Variants in SBSPON observed in about 807,000 individuals in gnomAD.
SBSPON encodes the protein somatomedin-B and thrombospondin type-1 domain-containing protein.
Under a neutral mutation model 35.8 loss-of-function variants are expected in SBSPON, and 30 were observed. That is an observed-to-expected ratio of 0.84 (90% CI 0.63 to 1.14). The LOEUF (loss-of-function observed/expected upper bound fraction) is 1.14, where lower values mean the gene tolerates loss of function less well. SBSPON is among the 50% of genes most tolerant of loss of function. The probability of loss-of-function intolerance (pLI) is 0.00; values close to 1 mark genes in which losing one functional copy is unlikely to be tolerated. For missense variants in SBSPON, 364 were observed against 357.7 expected, an observed-to-expected ratio of 1.02 and a Z score of -0.14; for synonymous variants, 136 against 135.9, an observed-to-expected ratio of 1.00 and a Z score of 0.00.
At chr8:73,070,103 A>G (rs1194251002) in intron 3 of SBSPON, 122 bp from the exon 4 acceptor site, 3 of 566,584 alleles carry the variant, frequency 5.3e-6, no homozygotes, top group South Asian at 2.5e-5. Flanking sequence ...TAGTGAGTAC[A>G]TCTTCACAAG....
At chr8:73,078,687 C>G (rs1810640358) in intron 2 of SBSPON, among the ~76,000 whole-genome samples, 1 of 152,170 alleles carries the variant, frequency 6.6e-6, no homozygotes. Context: ...TGTCTTCCTC[C>G]CCGAGCAGTT....
intron 2 of SBSPON, among the ~76,000 whole-genome samples, chr8:73,076,282 T>C (rs192259974): frequency 7.6e-4 from 115 of 152,274 alleles, no homozygotes; most frequent in African/African-American, 2.6e-3. Context: ...AGAATGTCCA[T>C]GTCCTGATCC....
At chr8:73,091,784 T>C (rs1382864773) in intron 1 of SBSPON, among the ~76,000 whole-genome samples, 1 of 152,218 alleles carries the variant, frequency 6.6e-6, no homozygotes, top group East Asian at 1.9e-4. Flanking sequence ...TGCTTTCAAC[T>C]GTGTTCTTTC....
Position 73,093,026 on chromosome 8 carries a change from C to T in SBSPON, c.42G>A (p.Leu14=). Residue 14 remains leucine, a synonymous_variant, in exon 1 of 5, where the codon CTG becomes CTA. Coordinates refer to ENST00000297354, the MANE Select transcript of SBSPON (RefSeq NM_153225.4). ...CGCAGCCGGCCTGGGCCCCGGGCCA[C>T]AGCCGCGACAGCGCGCACAGCGCCA... The part of the protein sequence containing the change: ...LWMALCALSR[L]WPGAQAGCAE... 3 of 1,392,218 alleles carry T rather than the reference C, an allele frequency of 2.2e-6. No homozygotes were observed. Among genetic ancestry groups the T allele is most frequent in the Non-Finnish European group, 2.8e-6 (3 of 1,079,558 alleles). 86.2% of individuals were successfully genotyped at this position (1,392,218 alleles called of 1,614,324 possible).
chr8:73,092,108 C>T (rs988254802), intron 1 of SBSPON, among the ~76,000 whole-genome samples: 4 of 152,104 alleles, frequency 2.6e-5, no homozygotes, highest in South Asian at 2.1e-4. Flanking sequence ...TGAGCCCTTA[C>T]GGGGACAAGG....
Position 73,066,457 on chromosome 8 carries a change from C to G in SBSPON, c.*884G>C, listed in dbSNP as rs1486376205. The G allele has an allele frequency of 1.3e-5, 2 of 152,160 alleles. No homozygotes were observed. The highest frequency in any genetic ancestry group is 4.8e-5 in the African/African-American group (2 of 41,418). The allele number at this position is 152,160 out of a possible 1,614,324, so 9.4% of individuals were successfully genotyped here. On this transcript the variant is annotated 3_prime_UTR_variant, in exon 5 of 5. Coordinates refer to ENST00000297354, the MANE Select transcript of SBSPON (RefSeq NM_153225.4). Reference sequence around the variant, plus strand: ...GTCTATGCCTTCCATAACCGACACACCATCCACCCCAAACATTAGAAAATG... The same window carrying G: ...GTCTATGCCTTCCATAACCGACACAGCATCCACCCCAAACATTAGAAAATG...
At chr8:73,068,488 AC>A (rs1036179751) in intron 4 of SBSPON, among the ~76,000 whole-genome samples, 1 of 152,190 alleles carries the variant, frequency 6.6e-6, no homozygotes, top group African/African-American at 2.4e-5. Flanking sequence ...TCTATGTGTG[AC>A]CTAAATTAGT....
intron 1 of SBSPON, among the ~76,000 whole-genome samples, chr8:73,091,710 T>A (rs1810938415): frequency 6.6e-6 from 1 of 152,222 alleles, no homozygotes; most frequent in Non-Finnish European, 1.5e-5. Context: ...AAAAGCTTTA[T>A]CAAAAATAAT....
intron 2 of SBSPON, among the ~76,000 whole-genome samples, chr8:73,079,743 C>T (rs370413282): frequency 6.6e-6 from 1 of 152,178 alleles, no homozygotes. Context: ...CCAATTACTG[C>T]AGCTGTAAAT....
In SBSPON at chr8:73,081,035, G is replaced by A. The variant is rs1810688232; in HGVS notation, c.393C>T (p.Asp131=). 6 of 1,606,160 alleles carry A rather than the reference G, an allele frequency of 3.7e-6. No homozygotes were observed. The highest frequency in any genetic ancestry group is 5.1e-6 in the Non-Finnish European group (6 of 1,176,376). ...CATCAGTACCATAGGTGTGCCCGCA[G>A]TCCTGGCCCTGCGGGGTGGAGTACT... The part of the protein sequence containing the change: ...CLEYSTPQGQ[D]CGHTYVPAFI... The change falls in exon 2 of 5, where the codon GAC becomes GAT. Residue 131 remains aspartate (D), a synonymous_variant. Coordinates refer to ENST00000297354, the MANE Select transcript of SBSPON (RefSeq NM_153225.4).
Position 73,069,925 on chromosome 8 carries a change from C to T in SBSPON, c.557G>A (p.Trp186Ter), listed in dbSNP as rs767631429. The T allele has an allele frequency of 3.7e-6, 6 of 1,611,920 alleles. No homozygotes were observed. Among genetic ancestry groups the T allele is most frequent in the South Asian group, 1.1e-5 (1 of 90,904 alleles). Residue 186 changes from tryptophan (W) to a stop codon, truncating the protein, a stop_gained, in exon 4 of 5, where the codon TGG becomes TAG. Transcript: ENST00000297354. LOFTEE classifies it high-confidence loss of function. ...SLTPHCALEN[W>*]PLTRWMQYLR... ...ATACTGCATCCATCTAGTCAAGGGC[C>T]AGTTTTCCAGAGCACAGTGAGGAGT...
chr8:73,068,524 G>A (rs1050272097), intron 4 of SBSPON, among the ~76,000 whole-genome samples: 5 of 152,186 alleles, frequency 3.3e-5, no homozygotes, highest in African/African-American at 4.8e-5. Context: ...TGCCCAGCAC[G>A]AAGTTGACTC....
chr8:73,070,096 T>A, intron 3 of SBSPON, 115 bp from the exon 4 acceptor site: 1 of 586,018 alleles, frequency 1.7e-6, no homozygotes, highest in Non-Finnish European at 3.0e-6. Context: ...GAGCAGGTAG[T>A]GAGTACATCT....
chr8:73,073,606 G>T (rs1785321645), intron 2 of SBSPON, among the ~76,000 whole-genome samples: 1 of 152,130 alleles, frequency 6.6e-6, no homozygotes, highest in African/African-American at 2.4e-5. Flanking sequence ...AGGAGATCAA[G>T]ACCAGCCTGG....
At chr8:73,073,855 A>G (rs1810543136) in intron 2 of SBSPON, among the ~76,000 whole-genome samples, 1 of 151,918 alleles carries the variant, frequency 6.6e-6, no homozygotes, top group African/African-American at 2.4e-5. Context: ...GCAGCTGCCT[A>G]ATACCGGGTA....
At position 73,081,009 on chromosome 8, in the gene SBSPON, A is replaced by G. The variant is rs767095391; in HGVS notation, c.409+10T>C. The G allele has an allele frequency of 1.1e-5, 17 of 1,540,852 alleles. No homozygotes were observed. The highest frequency in any genetic ancestry group is 1.5e-5 in the Non-Finnish European group (17 of 1,142,440). On this transcript the variant is annotated intron_variant, in intron 2 of 4. Coordinates refer to ENST00000297354, the MANE Select transcript of SBSPON (RefSeq NM_153225.4). ...GATAACAAAGGCAGCAACCATGAAA[A>G]CATCAGTACCATAGGTGTGCCCGCA...
chr8:73,071,904 G>T, intron 2 of SBSPON, 34 bp from the exon 3 acceptor site: 3 of 1,375,080 alleles, frequency 2.2e-6, no homozygotes, highest in Non-Finnish European at 3.1e-6. Context: ...AATTCAGGGA[G>T]CCAAAGTACT....
intron 1 of SBSPON, among the ~76,000 whole-genome samples, chr8:73,081,841 G>C (rs185409165): frequency 1.3e-5 from 2 of 152,262 alleles, no homozygotes; most frequent in Admixed American, 1.3e-4. Context: ...TATGAGGGCT[G>C]AAGTTTAGAG....
chr8:73,081,153 G>C lies in SBSPON; in HGVS notation c.275C>G (p.Pro92Arg), dbSNP rs772420579. ...CGAGCGCCTCCGCACACGGGTTGTA[G>C]GCTTGCACTGGTCTGCACAACCACT... ...PWSGCADQCK[P>R]TTRVRRRSVQ... is the part of the protein sequence containing the mutation. The change falls in exon 2 of 5, where the codon CCT becomes CGT. Residue 92 changes from proline (P) to arginine (R), a missense_variant. Coordinates refer to ENST00000297354, the MANE Select transcript of SBSPON (RefSeq NM_153225.4). 1.9e-5 allele frequency: 30 copies of C among 1,612,940 alleles called. No individual in the cohort carries two copies. Among genetic ancestry groups the C allele is most frequent in the Non-Finnish European group, 2.5e-5 (30 of 1,179,372 alleles).
Sources: allele counts gnomAD v4.1 joint callset (sites outside exome capture counted in the v4.1 genomes callset), GRCh38; gene constraint gnomAD v4.1.1; transcripts MANE v1.5; gene names NCBI Gene and HGNC (gene_info 2026-07-23, HGNC 2026-07-21).